Variants in PTPRM observed in about 807,000 individuals in gnomAD.
The protein encoded by PTPRM is receptor-type tyrosine-protein phosphatase mu.
In PTPRM, 47 loss-of-function variants were observed where a neutral mutation model predicts 186.7. That is an observed-to-expected ratio of 0.25 (90% CI 0.20 to 0.32). The LOEUF (loss-of-function observed/expected upper bound fraction) is 0.32. Among genes scored for constraint, PTPRM ranks in the 10% least tolerant of loss-of-function variants. The pLI is 1.00. For missense variants in PTPRM, 1,494 were observed against 1,865.0 expected, an observed-to-expected ratio of 0.80 and a Z score of 3.66; for synonymous variants, 668 against 674.9, an observed-to-expected ratio of 0.99 and a Z score of 0.16.
chr18:7,982,788 G>A (rs754223615), intron 7 of PTPRM, among the ~76,000 whole-genome samples: 9 of 152,052 alleles, frequency 5.9e-5, no homozygotes, highest in Non-Finnish European at 1.2e-4. Context: ...TTCAGCTCCA[G>A]CATACTCCTA....
At chr18:8,382,527 G>C (rs2095743484) in intron 29 of PTPRM, among the ~76,000 whole-genome samples, 1 of 152,132 alleles carries the variant, frequency 6.6e-6, no homozygotes, top group South Asian at 2.1e-4. Flanking sequence ...TATTTGACAA[G>C]GCAGTTTTAT....
At chr18:7,721,393 G>T (rs891472331) in intron 1 of PTPRM, among the ~76,000 whole-genome samples, 3 of 151,966 alleles carry the variant, frequency 2.0e-5, no homozygotes, top group Non-Finnish European at 4.4e-5. Context: ...TACATGATTT[G>T]TAAGTATTTT....
chr18:8,319,896 G>C (rs1230185095), intron 22 of PTPRM, among the ~76,000 whole-genome samples: 1 of 152,162 alleles, frequency 6.6e-6, no homozygotes, highest in Admixed American at 6.5e-5. Context: ...AAGAGCTAGA[G>C]GACATGTTGA....
chr18:8,090,877 G>A (rs1167777859), intron 11 of PTPRM, among the ~76,000 whole-genome samples: 1 of 152,148 alleles, frequency 6.6e-6, no homozygotes, highest in Non-Finnish European at 1.5e-5. Flanking sequence ...TTACAGGTGT[G>A]AGCCACCATG....
intron 1 of PTPRM, among the ~76,000 whole-genome samples, chr18:7,743,941 T>TCAAA (rs138057394): frequency 0.017 from 2,630 of 152,288 alleles, 84 homozygotes; most frequent in African/African-American, 0.059. Flanking sequence ...GCAAAATTCA[T>TCAAA]CAAATGGAAA....
chr18:7,779,282 A>G (rs141310880), intron 2 of PTPRM, among the ~76,000 whole-genome samples: 247 of 152,344 alleles, frequency 1.6e-3, no homozygotes, highest in Non-Finnish European at 3.0e-3. Context: ...TCCAGGTAGT[A>G]TAGCATGGGA....
rs1213334317 is a variant in PTPRM at position 7,968,340 on chromosome 18, C to T, written c.1132+12926C>T. Among the ~76,000 whole-genome samples the T allele has an allele frequency of 1.9e-4, 28 of 147,510 alleles. 1 individual carries two copies. The highest frequency in any genetic ancestry group is 7.4e-4 in the Admixed American group (11 of 14,786). ...ATGGAAAGGAACAACTGGTACCAGC[C>T]GCTGCGAAATCATGCCAAAATGTAA... On this transcript the variant is annotated intron_variant, in intron 7 of 32. Coordinates refer to ENST00000580170, the MANE Select transcript of PTPRM (RefSeq NM_001105244.2).
chr18:8,075,832 T>C (rs1191651455), intron 8 of PTPRM, among the ~76,000 whole-genome samples: 2 of 152,190 alleles, frequency 1.3e-5, no homozygotes, highest in African/African-American at 4.8e-5. Flanking sequence ...TAGCATGGTT[T>C]TATCATTCAG....
intron 14 of PTPRM, among the ~76,000 whole-genome samples, chr18:8,196,781 T>C (rs1409793860): frequency 6.6e-6 from 1 of 152,228 alleles, no homozygotes. Context: ...TCCCTTGTTA[T>C]GAGCTTGGGT....
chr18:7,891,836 C>G (rs908325241), intron 3 of PTPRM, among the ~76,000 whole-genome samples: 2 of 152,110 alleles, frequency 1.3e-5, no homozygotes, highest in African/African-American at 4.8e-5. Context: ...CATTGTGCCA[C>G]TGCACTCCAG....
intron 7 of PTPRM, among the ~76,000 whole-genome samples, chr18:8,061,413 C>T (rs924890584): frequency 7.0e-6 from 1 of 142,762 alleles, no homozygotes; most frequent in Non-Finnish European, 1.5e-5. Context: ...TTAGATCCAA[C>T]TTGCCAGTGT....
intron 2 of PTPRM, among the ~76,000 whole-genome samples, chr18:7,841,659 T>G (rs1242417404): frequency 1.3e-5 from 2 of 152,220 alleles, no homozygotes; most frequent in African/African-American, 4.8e-5. Context: ...ACAGGTTATC[T>G]GGCACCACGG....
intron 21 of PTPRM, among the ~76,000 whole-genome samples, chr18:8,318,929 CTCATCCA>C (rs2095328189): frequency 6.6e-6 from 1 of 152,216 alleles, no homozygotes; most frequent in Non-Finnish European, 1.5e-5. Flanking sequence ...GTGTTTCTTG[CTCATCCA>C]TCATCTCATA....
intron 3 of PTPRM, among the ~76,000 whole-genome samples, chr18:7,890,482 T>C (rs904135443): frequency 2.0e-5 from 3 of 152,208 alleles, no homozygotes; most frequent in African/African-American, 7.2e-5. Flanking sequence ...CCTACAACAA[T>C]TTCTAGGATT....
intron 14 of PTPRM, among the ~76,000 whole-genome samples, chr18:8,190,098 C>G (rs7227620): frequency 0.37 from 55,945 of 151,862 alleles, 11,120 homozygotes; most frequent in East Asian, 0.81. Context: ...ACTGCTCAAT[C>G]AAGCTAATTA....
intron 31 of PTPRM, among the ~76,000 whole-genome samples, chr18:8,391,892 A>G (rs1456134324): frequency 3.3e-5 from 5 of 152,100 alleles, no homozygotes; most frequent in African/African-American, 1.2e-4. Flanking sequence ...GTATAAATAA[A>G]TCAATCTTGA....
chr18:7,721,616 T>A (rs1261456802), intron 1 of PTPRM, among the ~76,000 whole-genome samples: 1 of 152,142 alleles, frequency 6.6e-6, no homozygotes, highest in Non-Finnish European at 1.5e-5. Flanking sequence ...TTGAGTTAAT[T>A]TTTGATTATG....
intron 23 of PTPRM, among the ~76,000 whole-genome samples, chr18:8,348,453 T>A (rs1366210071): frequency 1.3e-5 from 2 of 152,240 alleles, no homozygotes; most frequent in African/African-American, 4.8e-5. Context: ...TGCCTCCCCT[T>A]TTAGCCCACG....
intron 3 of PTPRM, among the ~76,000 whole-genome samples, chr18:7,905,160 A>G (rs140062342): frequency 2.6e-5 from 4 of 152,048 alleles, no homozygotes; most frequent in Non-Finnish European, 5.9e-5. Context: ...CGTCCACCTA[A>G]TTTTTGTATT....
Sources: gnomAD v4.1 joint callset for allele counts (sites outside exome capture counted in the v4.1 genomes callset) on GRCh38, gnomAD v4.1.1 for gene constraint, MANE v1.5 for transcripts, NCBI Gene and HGNC (gene_info 2026-07-23, HGNC 2026-07-21) for gene names.